Variants in GALC observed in about 807,000 individuals in gnomAD.
GALC encodes the protein galactocerebrosidase.
Under a neutral mutation model 91.8 loss-of-function variants are expected in GALC, and 77 were observed. The ratio of observed to expected loss-of-function variants is 0.84; its 90% CI spans 0.70 to 1.01. The LOEUF (loss-of-function observed/expected upper bound fraction) is 1.01, where lower values mean the gene tolerates loss of function less well. Among genes scored for constraint, GALC ranks in the 50% least tolerant of loss-of-function variants. The pLI is 0.00. For missense variants in GALC, 882 were observed against 855.9 expected (o/e 1.03, Z -0.38); for synonymous variants, 357 against 306.7 (o/e 1.16, Z -1.71).
chr14:87,980,596 C>CCTA (rs1180822031), intron 6 of GALC: 4 of 578,092 alleles, frequency 6.9e-6, no homozygotes, highest in Non-Finnish European at 8.7e-6. Context: ...TCAAATTACA[C>CCTA]ATCACCTCCT....
At chr14:87,954,775 A>G (rs547639235) in intron 10 of GALC, 61 of 1,587,916 alleles carry the variant, frequency 3.8e-5, no homozygotes, top group Non-Finnish European at 5.2e-5. Flanking sequence ...TCTTCCCAAC[A>G]TCATATATAC....
intron 14 of GALC, among the ~76,000 whole-genome samples, chr14:87,942,654 G>T (rs1451773450): frequency 6.6e-6 from 1 of 151,980 alleles, no homozygotes; most frequent in South Asian, 2.1e-4. Context: ...GGGCTGGGGG[G>T]AATGAGATCT....
At chr14:87,983,314 A>G (rs1014942555) in intron 5 of GALC, among the ~76,000 whole-genome samples, 2 of 149,326 alleles carry the variant, frequency 1.3e-5, no homozygotes, top group Non-Finnish European at 3.0e-5. Context: ...TCCGGGTGAC[A>G]GTGTAAAAAA....
intron 3 of GALC, 99 bp downstream of exon 3, chr14:87,988,045 T>C: frequency 1.1e-6 from 1 of 893,026 alleles, no homozygotes; most frequent in Non-Finnish European, 1.9e-6. Context: ...ATCTCAAAAG[T>C]GTTGGTATTG....
Position 87,954,309 on chromosome 14 carries a change from C to T in GALC, c.1162-3561G>A, listed in dbSNP as rs1039072739. 1.9e-6 allele frequency: 3 copies of T among 1,585,150 alleles called. No individual in the cohort carries two copies. The South Asian group carries it at 3.3e-5, about 18-fold the overall frequency. On this transcript the variant is annotated intron_variant, in intron 10 of 16. Coordinates refer to ENST00000261304, the MANE Select transcript of GALC (RefSeq NM_000153.4). ...ACTAAGAGTTGTTGATTTCACTATACTGACAGAGGCAGTATACAGTTATAG... is the reference window on the plus strand; with the variant it reads ...ACTAAGAGTTGTTGATTTCACTATATTGACAGAGGCAGTATACAGTTATAG...
rs1455832906 is a variant in GALC, at chr14:87,952,751, T to C, written c.1162-2003A>G. Reference sequence around the variant, plus strand: ...CAAACTGTATGAATAGACATGTTCATGTGAAAGATTACTTTGTACATTCTG... The same window carrying C: ...CAAACTGTATGAATAGACATGTTCACGTGAAAGATTACTTTGTACATTCTG... On this transcript the variant is annotated intron_variant, in intron 10 of 16. Transcript: ENST00000261304. 7 of 1,525,944 alleles carry C rather than the reference T, an allele frequency of 4.6e-6. No homozygotes were observed. The African/African-American group carries it at 8.2e-5, about 18-fold the overall frequency. 94.5% of individuals were successfully genotyped at this position (1,525,944 alleles called of 1,614,324 possible). A position where few individuals can be genotyped will look rare whatever the true frequency, so the allele number is the denominator to read the frequency against.
At position 87,976,321 on chromosome 14, in the gene GALC, C is replaced by T. The variant is rs765558960; in HGVS notation, c.752+37G>A. ...ATAGTCAATACACAGAGCAAGCAATCAGAAACTGCTAGTTTTCCAAGTAAA... is the reference window on the plus strand; with the variant it reads ...ATAGTCAATACACAGAGCAAGCAATTAGAAACTGCTAGTTTTCCAAGTAAA... On this transcript the variant is annotated intron_variant, in intron 7 of 16. Transcript: ENST00000261304. 4 of 1,611,396 alleles carry T rather than the reference C, an allele frequency of 2.5e-6. No homozygotes were observed. The East Asian group carries it at 8.9e-5, about 36-fold the overall frequency.
intron 10 of GALC, chr14:87,953,420 T>C (rs1326511740): frequency 1.4e-6 from 2 of 1,479,428 alleles, no homozygotes; most frequent in African/African-American, 2.8e-5. Context: ...GCATATTCTC[T>C]TGAACATTTT....
At chr14:87,966,608 A>G (rs1886065612) in intron 8 of GALC, among the ~76,000 whole-genome samples, 1 of 152,320 alleles carries the variant, frequency 6.6e-6, no homozygotes, top group African/African-American at 2.4e-5. Context: ...ACTAGTGAAT[A>G]TTTTAAGTTC....
At position 87,934,828 on chromosome 14, in the gene GALC, G is replaced by T; in HGVS notation, c.1962C>A (p.Ile654=). ...MLNDKSLWTD[I]PVNFPKNGWA... ...AGCCATTCTTTGGAAAATTCACAGG[G>T]ATGTCTGTCCACAGAGACTTGTCAT... Residue 654 remains isoleucine, a synonymous_variant, in exon 17 of 17, where the codon ATC becomes ATA. Transcript: ENST00000261304. The T allele has an allele frequency of 6.2e-7, 1 of 1,612,910 alleles. No homozygotes were observed. Among genetic ancestry groups the T allele is most frequent in the South Asian group, 1.1e-5 (1 of 91,060 alleles).
chr14:87,954,567 C>A, intron 10 of GALC: 1 of 1,565,806 alleles, frequency 6.4e-7, no homozygotes, highest in Non-Finnish European at 8.7e-7. Flanking sequence ...GATGTAAGGG[C>A]AATTACATTT....
intron 7 of GALC, among the ~76,000 whole-genome samples, chr14:87,973,835 G>A (rs760189589): frequency 7.9e-5 from 12 of 152,248 alleles, no homozygotes; most frequent in South Asian, 2.1e-4. Context: ...CAGTGGCACC[G>A]CCCTACCTAT....
At chr14:87,937,712 GATA>G (rs1884644243) in intron 16 of GALC, among the ~76,000 whole-genome samples, 1 of 151,436 alleles carries the variant, frequency 6.6e-6, no homozygotes, top group East Asian at 2.0e-4. Flanking sequence ...ACATCCTATT[GATA>G]TTTTAACCAG....
chr14:87,969,865 T>C (rs1886212905), intron 7 of GALC, among the ~76,000 whole-genome samples: 1 of 152,102 alleles, frequency 6.6e-6, no homozygotes, highest in Admixed American at 6.6e-5. Flanking sequence ...TAATATACAA[T>C]ATATACTGGA....
intron 10 of GALC, chr14:87,952,912 G>A (rs193095790): frequency 6.0e-5 from 56 of 931,098 alleles, no homozygotes; most frequent in Admixed American, 2.8e-4. Context: ...AAGCTTCTCA[G>A]TGAAAATAAA....
At chr14:87,957,983 A>G (rs2139980409) in intron 10 of GALC, among the ~76,000 whole-genome samples, 1 of 152,284 alleles carries the variant, frequency 6.6e-6, no homozygotes, top group African/African-American at 2.4e-5. Context: ...TACCAACATC[A>G]TCTTTCACAG....
chr14:87,968,530 C>T (rs770672872), intron 7 of GALC, 40 bp from the exon 8 acceptor site: 71 of 1,586,436 alleles, frequency 4.5e-5, no homozygotes, highest in Middle Eastern at 1.7e-4. Flanking sequence ...AAAAAGGTCA[C>T]GACGTGGCAC....
intron 7 of GALC, among the ~76,000 whole-genome samples, chr14:87,970,770 G>A (rs1415161486): frequency 4.0e-5 from 6 of 149,890 alleles, no homozygotes; most frequent in African/African-American, 1.5e-4. Context: ...TTGGGAGGCT[G>A]AGGCAGGAGA....
intron 9 of GALC, 28 bp from the exon 10 acceptor site, chr14:87,963,539 A>T: frequency 1.9e-6 from 3 of 1,599,468 alleles, no homozygotes; most frequent in Non-Finnish European, 2.6e-6. Flanking sequence ...GTTCCAAATA[A>T]GACAAAAATG....
Sources: gnomAD v4.1 joint callset for allele counts (sites outside exome capture counted in the v4.1 genomes callset) on GRCh38, gnomAD v4.1.1 for gene constraint, MANE v1.5 for transcripts, NCBI Gene and HGNC (gene_info 2026-07-23, HGNC 2026-07-21) for gene names.